Variants in UNC13C observed in about 807,000 individuals in gnomAD.
UNC13C encodes the protein unc-13 homolog C, also known as protein unc-13 homolog C.
A neutral mutation model predicts 245.4 loss-of-function variants in UNC13C; 174 were observed. The ratio of observed to expected loss-of-function variants is 0.71; its 90% CI spans 0.63 to 0.80. UNC13C has a LOEUF of 0.80. Ranked by LOEUF, UNC13C falls within the 30% of genes least tolerant of loss-of-function variation. The pLI, the probability that UNC13C is intolerant of heterozygous loss-of-function variation, is 0.00. For synonymous variants in UNC13C, 992 were observed against 895.1 expected (o/e 1.11, Z -1.93); for missense variants, 2,829 against 2,602.9 (o/e 1.09, Z -1.89).
the UNC13C span, among the ~76,000 whole-genome samples, chr15:53,860,839 C>T: frequency 3.3e-5 from 5 of 152,142 alleles, no homozygotes; most frequent in African/African-American, 1.2e-4. Context: ...GTCATCTGGA[C>T]AATGTGCTAT....
chr15:54,488,937 T>C (rs1893561300), intron 19 of UNC13C, among the ~76,000 whole-genome samples: 3 of 152,162 alleles, frequency 2.0e-5, no homozygotes, highest in African/African-American at 7.2e-5. Flanking sequence ...TTCACATCAG[T>C]TGAGATTGAT....
At chr15:54,520,546 A>G (rs28731017) in intron 24 of UNC13C, among the ~76,000 whole-genome samples, 35,248 of 151,996 alleles carry the variant, frequency 0.23, 4,218 homozygotes, top group Admixed American at 0.32. Flanking sequence ...CATGAATTTA[A>G]TTGCTCAAGG....
the UNC13C span, among the ~76,000 whole-genome samples, chr15:53,837,781 T>TC: frequency 5.3e-5 from 8 of 152,292 alleles, no homozygotes; most frequent in East Asian, 1.5e-3. Flanking sequence ...ACATGGCATT[T>TC]CCCCAAAGGA....
intron 4 of UNC13C, among the ~76,000 whole-genome samples, chr15:54,228,499 G>C (rs1170937138): frequency 6.6e-6 from 1 of 152,138 alleles, no homozygotes; most frequent in Non-Finnish European, 1.5e-5. Context: ...TCTCACCCAA[G>C]GCCCATGGCG....
intron 2 of UNC13C, among the ~76,000 whole-genome samples, chr15:54,140,416 G>A (rs1009097821): frequency 1.3e-5 from 2 of 152,152 alleles, no homozygotes; most frequent in African/African-American, 2.4e-5. Flanking sequence ...CAGAGAGAGA[G>A]ATTAAAAAAC....
At chr15:54,435,370 C>G (rs1288747123) in intron 19 of UNC13C, among the ~76,000 whole-genome samples, 3 of 152,074 alleles carry the variant, frequency 2.0e-5, no homozygotes, top group Admixed American at 6.6e-5. Context: ...AAATGTGGCA[C>G]ATATACACCA....
At chr15:54,442,870 A>G (rs1890606727) in intron 19 of UNC13C, among the ~76,000 whole-genome samples, 1 of 151,978 alleles carries the variant, frequency 6.6e-6, no homozygotes, top group African/African-American at 2.4e-5. Context: ...ATTGGCCTGT[A>G]GTTTATTTTT....
chr15:54,352,266 T>C (rs1185926636), intron 17 of UNC13C, among the ~76,000 whole-genome samples: 3 of 148,068 alleles, frequency 2.0e-5, no homozygotes, highest in Non-Finnish European at 3.0e-5. Flanking sequence ...TACAAATATA[T>C]AACACATATA....
At chr15:54,362,048 A>G (rs1236321562) in intron 17 of UNC13C, among the ~76,000 whole-genome samples, 1 of 152,148 alleles carries the variant, frequency 6.6e-6, no homozygotes, top group Non-Finnish European at 1.5e-5. Flanking sequence ...CTTCCTGCAT[A>G]TTGTACCTAC....
intron 17 of UNC13C, among the ~76,000 whole-genome samples, chr15:54,345,360 A>G (rs1333159559): frequency 6.6e-6 from 1 of 152,092 alleles, no homozygotes; most frequent in Non-Finnish European, 1.5e-5. Context: ...TCTGTGGTAG[A>G]CTCTCAGTGC....
At chr15:54,294,449 AT>A (rs796275506) in intron 11 of UNC13C, among the ~76,000 whole-genome samples, 40 of 152,238 alleles carry the variant, frequency 2.6e-4, no homozygotes, top group African/African-American at 8.4e-4. Context: ...AATTTTGGCA[AT>A]GAAGGAAAAA....
At chr15:54,621,787 C>T (rs1434788486) in intron 30 of UNC13C, among the ~76,000 whole-genome samples, 1 of 152,024 alleles carries the variant, frequency 6.6e-6, no homozygotes, top group Non-Finnish European at 1.5e-5. Context: ...TAAGTTTAAC[C>T]CCTGACTAAT....
chr15:54,512,447 C>G, intron 24 of UNC13C: 1 of 442,824 alleles, frequency 2.3e-6, no homozygotes, highest in Non-Finnish European at 4.5e-6. Flanking sequence ...ACCTAAAGAC[C>G]ATTGCATTTT....
intron 1 of UNC13C, among the ~76,000 whole-genome samples, chr15:53,985,735 T>C (rs1052294363): frequency 6.6e-6 from 1 of 152,032 alleles, no homozygotes; most frequent in Non-Finnish European, 1.5e-5. Context: ...CATAACCATG[T>C]CACATTATAG....
chr15:54,239,270 A>C (rs1258138100), intron 7 of UNC13C, among the ~76,000 whole-genome samples: 1 of 152,096 alleles, frequency 6.6e-6, no homozygotes, highest in Non-Finnish European at 1.5e-5. Context: ...TCCAAATGTC[A>C]ATCTTTCCTG....
chr15:54,468,875 G>A (rs1892311799), intron 19 of UNC13C, among the ~76,000 whole-genome samples: 1 of 151,570 alleles, frequency 6.6e-6, no homozygotes, highest in Non-Finnish European at 1.5e-5. Flanking sequence ...AAATCCAGTA[G>A]TGTGATGCTT....
chr15:53,909,835 T>C, the UNC13C span, among the ~76,000 whole-genome samples: 7 of 146,518 alleles, frequency 4.8e-5, 1 homozygote, highest in African/African-American at 1.5e-4. Context: ...CACCTGTCAG[T>C]CAAGTGGACA....
intron 2 of UNC13C, among the ~76,000 whole-genome samples, chr15:54,038,124 A>ATATATAAATTTTTTTTTT: frequency 2.2e-5 from 1 of 45,034 alleles, no homozygotes; most frequent in African/African-American, 1.1e-4. Flanking sequence ...ATATATATAT[A>ATATATAAATTTTTTTTTT]TTTTTTTTTT....
At chr15:53,890,754 TTTTC>T in the UNC13C span, among the ~76,000 whole-genome samples, 2 of 73,528 alleles carry the variant, frequency 2.7e-5, no homozygotes, top group Non-Finnish European at 7.2e-5. Context: ...TTCTTCTCTC[TTTTC>T]TTCTTTGTTA....
Sources: gnomAD v4.1 joint callset for allele counts (sites outside exome capture counted in the v4.1 genomes callset) on GRCh38, gnomAD v4.1.1 for gene constraint, MANE v1.5 for transcripts, NCBI Gene and HGNC (gene_info 2026-07-23, HGNC 2026-07-21) for gene names.